The following ISY1 variants were observed in gnomAD, a reference collection of about 807,000 sequenced individuals.
ISY1 encodes pre-mRNA-splicing factor ISY1 homolog.
In ISY1, 12 loss-of-function variants were observed where a neutral mutation model predicts 54.4. The ratio of observed to expected loss-of-function variants is 0.22; its 90% CI spans 0.14 to 0.36. The LOEUF (loss-of-function observed/expected upper bound fraction) is 0.36, where lower values mean the gene tolerates loss of function less well. ISY1 is among the 10% of genes least tolerant of loss of function. ISY1 has a pLI of 1.00. For missense variants in ISY1, 282 were observed against 342.2 expected (o/e 0.82, Z 1.39); for synonymous variants, 96 against 117.9 (o/e 0.81, Z 1.20).
chr3:129,138,602 C>T (rs1373813241), intron 7 of ISY1, among the ~76,000 whole-genome samples: 4 of 151,380 alleles, frequency 2.6e-5, no homozygotes, highest in Non-Finnish European at 5.9e-5. Context: ...CAAGATTGGG[C>T]CACTGTACTC....
At chr3:129,151,855 T>C (rs557432694) in intron 5 of ISY1, among the ~76,000 whole-genome samples, 1 of 151,762 alleles carries the variant, frequency 6.6e-6, no homozygotes, top group Non-Finnish European at 1.5e-5. Flanking sequence ...TGGCTATGGG[T>C]TTCTTATAAG....
At chr3:129,146,918 G>A (rs578048553) in intron 5 of ISY1, among the ~76,000 whole-genome samples, 29 of 152,234 alleles carry the variant, frequency 1.9e-4, no homozygotes, top group African/African-American at 6.3e-4. Flanking sequence ...AATTAACTGG[G>A]TGTGGTGGCA....
chr3:129,156,981 G>C, intron 3 of ISY1, 61 bp from the exon 4 acceptor site: 1 of 1,590,210 alleles, frequency 6.3e-7, no homozygotes, highest in South Asian at 1.1e-5. Context: ...ACAACATTCA[G>C]AACTGATTCA....
At chr3:129,154,794 T>C (rs1394296631) in intron 5 of ISY1, among the ~76,000 whole-genome samples, 2 of 151,400 alleles carry the variant, frequency 1.3e-5, no homozygotes, top group African/African-American at 4.8e-5. Flanking sequence ...GTTCATGCCA[T>C]TCTCCTGCCT....
At chr3:129,160,918 GC>G (rs929551671) in intron 1 of ISY1, 54 bp downstream of exon 1, 49 of 665,932 alleles carry the variant, frequency 7.4e-5, no homozygotes, top group African/African-American at 5.8e-4. Flanking sequence ...TGGACTGGGC[GC>G]CCCCCCGCCC....
rs1474866739 is a variant in ISY1, at chr3:129,159,144, T to C, written c.26+10A>G. ...AAAAAATTTACAGCCAAAAACAAGT[T>C]GATACTTACATGGCCTTTTCTGCAT... On this transcript the variant is annotated intron_variant, in intron 2 of 10. Coordinates refer to ENST00000393295, the MANE Select transcript of ISY1 (RefSeq NM_020701.4). 6.2e-7 allele frequency: 1 copy of C among 1,605,844 alleles called. No homozygotes were observed. Among genetic ancestry groups the C allele is most frequent in the African/African-American group, 1.3e-5 (1 of 74,382 alleles).
At chr3:129,135,753 G>A (rs1463899237) in intron 7 of ISY1, among the ~76,000 whole-genome samples, 2 of 149,352 alleles carry the variant, frequency 1.3e-5, no homozygotes, top group Non-Finnish European at 1.5e-5. Context: ...GCGACAGAGC[G>A]AGACTCCATC....
At chr3:129,154,330 T>C (rs1217714508) in intron 5 of ISY1, among the ~76,000 whole-genome samples, 1 of 146,848 alleles carries the variant, frequency 6.8e-6, no homozygotes, top group East Asian at 2.1e-4. Flanking sequence ...CAGGAGAAAT[T>C]GCTTGAACCC....
intron 1 of ISY1, 105 bp downstream of exon 1, chr3:129,160,868 G>C (rs942014160): frequency 3.6e-6 from 5 of 1,381,124 alleles, no homozygotes; most frequent in Non-Finnish European, 5.0e-6. Context: ...GAAGCCCTCA[G>C]CACTGCACGT....
rs1169224364 is a variant in ISY1, at chr3:129,149,632, T to TAC, written c.188-3760_188-3759insGT. ...AAAAATATATATATATATATATATA[T>TAC]ATATACACAAAAAAAATCAGCTATG... On this transcript the variant is annotated intron_variant, in intron 5 of 10. Transcript: ENST00000393295. 1.6e-4 allele frequency among the ~76,000 whole-genome samples: 14 copies of TAC among 86,664 alleles called. 1 individual carries two copies. The highest frequency in any genetic ancestry group is 3.7e-4 in the South Asian group (1 of 2,718). 56.9% of individuals were successfully genotyped at this position (86,664 alleles called of 152,430 possible). A position where few individuals can be genotyped will look rare whatever the true frequency, so the allele number is the denominator to read the frequency against.
intron 1 of ISY1, among the ~76,000 whole-genome samples, chr3:129,160,759 C>G (rs191130275): frequency 6.6e-5 from 10 of 152,324 alleles, no homozygotes; most frequent in African/African-American, 2.4e-4. Context: ...GATTAAGACA[C>G]TGTCCAGGAC....
intron 7 of ISY1, among the ~76,000 whole-genome samples, chr3:129,139,701 G>A (rs1936549709): frequency 6.6e-6 from 1 of 151,732 alleles, no homozygotes; most frequent in South Asian, 2.1e-4. Flanking sequence ...GGAGTGCAAT[G>A]GCACGATCTC....
intron 6 of ISY1, among the ~76,000 whole-genome samples, chr3:129,141,610 T>C (rs1576879018): frequency 6.6e-6 from 1 of 151,304 alleles, no homozygotes; most frequent in Non-Finnish European, 1.5e-5. Context: ...AAAAATTAGC[T>C]AGGCATGGTG....
At position 129,160,834 on chromosome 3, in the gene ISY1, T is replaced by G; in HGVS notation, c.3+139A>C. On this transcript the variant is annotated intron_variant, in intron 1 of 10. Transcript: ENST00000393295. ...ACAGCTAATGGAGGCAGGAAGAGAA[T>G]CCCCTCGTTACACCAAGGAACTTGA... 2.8e-6 allele frequency: 3 copies of G among 1,087,286 alleles called. No individual in the cohort carries two copies. In the South Asian group the frequency reaches 4.3e-5, roughly 16 times the overall value. The allele number at this position is 1,087,286 out of a possible 1,614,324, so 67.4% of individuals were successfully genotyped here. A position where few individuals can be genotyped will look rare whatever the true frequency, so the allele number is the denominator to read the frequency against.
chr3:129,144,822 A>C (rs552620995), intron 6 of ISY1, among the ~76,000 whole-genome samples: 1 of 152,280 alleles, frequency 6.6e-6, no homozygotes, highest in South Asian at 2.1e-4. Context: ...AAAGGACAGA[A>C]TGTAGTGTCT....
chr3:129,145,486 G>A (rs1177572721), intron 6 of ISY1, among the ~76,000 whole-genome samples: 1 of 152,188 alleles, frequency 6.6e-6, no homozygotes, highest in Non-Finnish European at 1.5e-5. Flanking sequence ...GCCTCCCAAA[G>A]TGCTGGGATT....
In ISY1 at chr3:129,161,024, A is replaced by T. The variant is rs1341052177; in HGVS notation, c.-49T>A. 2 of 1,521,546 alleles carry T rather than the reference A, an allele frequency of 1.3e-6. No individual in the cohort carries two copies. Among genetic ancestry groups the T allele is most frequent in the African/African-American group, 2.8e-5 (2 of 71,814 alleles). 94.3% of individuals were successfully genotyped at this position (1,521,546 alleles called of 1,614,324 possible). The stretch of plus-strand genomic sequence containing the variant: ...GGAGCCCCGCGGCCCCTGTCCAAGA[A>T]ACTCCACAGGCCCAGAAGACGCCGA... On this transcript the variant is annotated 5_prime_UTR_variant, in exon 1 of 11. Coordinates refer to ENST00000393295, the MANE Select transcript of ISY1 (RefSeq NM_020701.4).
intron 6 of ISY1, among the ~76,000 whole-genome samples, chr3:129,141,933 G>A (rs937837590): frequency 6.6e-6 from 1 of 151,706 alleles, no homozygotes; most frequent in Non-Finnish European, 1.5e-5. Flanking sequence ...TGCTGGGTGC[G>A]GTGGCTCACA....
chr3:129,154,011 G>C (rs1382928765), intron 5 of ISY1, among the ~76,000 whole-genome samples: 1 of 151,876 alleles, frequency 6.6e-6, no homozygotes, highest in African/African-American at 2.4e-5. Context: ...GGGAGGCCGA[G>C]GCGGGCGGAT....
Sources: gnomAD v4.1 joint callset for allele counts (sites outside exome capture counted in the v4.1 genomes callset) on GRCh38, gnomAD v4.1.1 for gene constraint, MANE v1.5 for transcripts, NCBI Gene and HGNC (gene_info 2026-07-23, HGNC 2026-07-21) for gene names.